The following TENM4 variants were observed in gnomAD, a reference collection of about 807,000 sequenced individuals.
TENM4 encodes teneurin-4.
A neutral mutation model predicts 243.3 loss-of-function variants in TENM4; 82 were observed. The observed-to-expected ratio is 0.34, with a 90% CI of 0.28 to 0.40. The LOEUF is 0.40. Ranked by LOEUF, TENM4 falls within the 10% of genes least tolerant of loss-of-function variation. The probability of loss-of-function intolerance (pLI) is 1.00; values close to 1 mark genes in which losing one functional copy is unlikely to be tolerated. For missense variants in TENM4, 3,138 were observed against 3,673.3 expected, an observed-to-expected ratio of 0.85 and a Z score of 3.77; for synonymous variants, 1,412 against 1,456.3, an observed-to-expected ratio of 0.97 and a Z score of 0.69.
chr11:78,665,767 C>G (rs1388446078), intron 32 of TENM4, among the ~76,000 whole-genome samples: 1 of 152,234 alleles, frequency 6.6e-6, no homozygotes, highest in Non-Finnish European at 1.5e-5. Context: ...TCACAAGCAT[C>G]AAGTGAAGAT....
chr11:78,685,524 G>A (rs987612914), intron 29 of TENM4, among the ~76,000 whole-genome samples: 2 of 152,208 alleles, frequency 1.3e-5, no homozygotes, highest in African/African-American at 4.8e-5. Flanking sequence ...ATTGGAATGT[G>A]TCCACGTATG....
chr11:78,862,964 T>C lies in TENM4; in HGVS notation c.1253A>G (p.Glu418Gly). 6.9e-7 allele frequency: 1 copy of C among 1,458,794 alleles called. No homozygotes were observed. The allele number at this position is 1,458,794 out of a possible 1,614,324, so 90.4% of individuals were successfully genotyped here. The change falls in exon 10 of 34, where the codon GAA becomes GGA. Residue 418 changes from glutamate (E) to glycine (G), a missense_variant and splice_region_variant. By Grantham distance (98) the Glu-to-Gly change is moderately conservative. Around this residue, in one of 2 missense-constraint regions of TENM4, gnomAD observed 671 missense variants for 614.1 expected, o/e 1.09. Coordinates refer to ENST00000278550, the MANE Select transcript of TENM4 (RefSeq NM_001098816.3). The part of the protein sequence containing the change: ...TPDRKGKGTT[E>G]GKPSSFFPED... Reference sequence around the variant, plus strand: ...CACGGACAACGCAGCAACCCTACCTTCTGTGGTTCCTTTGCCTTTCCTGTC... The same window carrying C: ...CACGGACAACGCAGCAACCCTACCTCCTGTGGTTCCTTTGCCTTTCCTGTC...
In TENM4 at chr11:78,683,251, C is replaced by A. The variant is rs1238160853; in HGVS notation, c.5260+4803G>T. Reference sequence around the variant, plus strand: ...TTTTTGTTTGTCTGTGCCCTGCCCCCAGAGGTGGAGCCTACAGAGGCAGGC... The same window carrying A: ...TTTTTGTTTGTCTGTGCCCTGCCCCAAGAGGTGGAGCCTACAGAGGCAGGC... On this transcript the variant is annotated intron_variant, in intron 29 of 33. Transcript: ENST00000278550. Among the ~76,000 whole-genome samples the A allele has an allele frequency of 1.0e-4, 6 of 57,804 alleles. 2 individuals are homozygous for A. The highest frequency in any genetic ancestry group is 4.0e-4 in the South Asian group (1 of 2,510). 37.9% of individuals were successfully genotyped at this position (57,804 alleles called of 152,430 possible). A position where few individuals can be genotyped will look rare whatever the true frequency, so the allele number is the denominator to read the frequency against.
chr11:79,205,811 C>G (rs1279627104), intron 3 of TENM4, among the ~76,000 whole-genome samples: 1 of 152,124 alleles, frequency 6.6e-6, no homozygotes, highest in Non-Finnish European at 1.5e-5. Context: ...TCACTGTATT[C>G]TTTATTCTAC....
At chr11:79,299,062 C>CCACACACACA (rs61589223) in intron 1 of TENM4, among the ~76,000 whole-genome samples, 2 of 150,152 alleles carry the variant, frequency 1.3e-5, no homozygotes, top group African/African-American at 4.9e-5. Flanking sequence ...GGTGCTGTAT[C>CCACACACACA]CACACACACA....
chr11:79,031,972 T>C (rs1859251834), intron 6 of TENM4, among the ~76,000 whole-genome samples: 1 of 152,214 alleles, frequency 6.6e-6, no homozygotes, highest in Non-Finnish European at 1.5e-5. Context: ...AAGCGTTGTC[T>C]GGCTCCAAAT....
intron 6 of TENM4, among the ~76,000 whole-genome samples, chr11:79,029,899 C>T (rs1189518057): frequency 1.3e-5 from 2 of 152,090 alleles, no homozygotes; most frequent in African/African-American, 4.8e-5. Context: ...AATCATATCA[C>T]CTGACAATGA....
intron 12 of TENM4, among the ~76,000 whole-genome samples, chr11:78,828,363 C>A (rs111801189): frequency 6.6e-6 from 1 of 152,232 alleles, no homozygotes; most frequent in African/African-American, 2.4e-5. Context: ...CTTTGCAGGA[C>A]CCCAATTCTT....
intron 4 of TENM4, among the ~76,000 whole-genome samples, chr11:79,088,229 G>A (rs908001537): frequency 1.3e-5 from 2 of 152,178 alleles, no homozygotes; most frequent in Admixed American, 6.5e-5. Context: ...AACCCAGAGG[G>A]TGATGGTATC....
Position 79,113,836 on chromosome 11 carries a change from C to T in TENM4, c.-66+34874G>A, listed in dbSNP as rs1861562579. ...AGGAGTGGAGAAGGACAGGCCTAAC[C>T]TTAGAAGGAAGGAGACCAAGACTTG... On this transcript the variant is annotated intron_variant, in intron 4 of 33. Transcript: ENST00000278550. 2.0e-5 allele frequency among the ~76,000 whole-genome samples: 3 copies of T among 152,154 alleles called. No individual in the cohort carries two copies. In the South Asian group the frequency reaches 6.2e-4, roughly 32 times the overall value.
intron 18 of TENM4, among the ~76,000 whole-genome samples, chr11:78,762,482 G>T (rs1461208343): frequency 6.6e-6 from 1 of 152,190 alleles, no homozygotes; most frequent in Non-Finnish European, 1.5e-5. Flanking sequence ...CCTCTGCAAT[G>T]GAAATATCAC....
rs761384133 is a variant in TENM4, at chr11:78,756,856, A to C, written c.2705T>G (p.Val902Gly). Residue 902 changes from valine (V) to glycine (G), a missense_variant, in exon 19 of 34, where the codon GTG becomes GGG. This residue lies in a region of TENM4 where 2,467 missense variants were observed against 3,059.1 expected (regional missense o/e 0.81). Transcript: ENST00000278550. Reference sequence around the variant, plus strand: ...GATTATGTGCGTGCTGTCCCTGCCCACGAGGAACTTGATGCGGTCATAGAA... The same window carrying C: ...GATTATGTGCGTGCTGTCCCTGCCCCCGAGGAACTTGATGCGGTCATAGAA... ...HSFYDRIKFL[V>G]GRDSTHIIPG... 2.5e-6 allele frequency: 4 copies of C among 1,613,952 alleles called. No individual in the cohort carries two copies. The Admixed American group carries it at 5.0e-5, about 20-fold the overall frequency.
intron 32 of TENM4, among the ~76,000 whole-genome samples, chr11:78,661,892 G>A (rs1240616009): frequency 6.6e-6 from 1 of 152,112 alleles, no homozygotes; most frequent in Non-Finnish European, 1.5e-5. Context: ...CATACCCGGG[G>A]CAGCTGTTGA....
intron 6 of TENM4, among the ~76,000 whole-genome samples, chr11:79,010,093 C>T (rs1858603525): frequency 6.6e-6 from 1 of 152,294 alleles, no homozygotes; most frequent in South Asian, 2.1e-4. Flanking sequence ...CCATATGGAA[C>T]TGTGAGTCAA....
At position 78,669,711 on chromosome 11, in the gene TENM4, G is replaced by C; in HGVS notation, c.6634C>G (p.Leu2212Val). 6.2e-7 allele frequency: 1 copy of C among 1,614,002 alleles called. No homozygotes were observed. The highest frequency in any genetic ancestry group is 8.5e-7 in the Non-Finnish European group (1 of 1,179,892). Residue 2212 changes from leucine (L) to valine (V), a missense_variant, in exon 32 of 34, where the codon CTC becomes GTC. Around this residue, in one of 2 missense-constraint regions of TENM4, gnomAD observed 2,467 missense variants for 3,059.1 expected, o/e 0.81. Transcript: ENST00000278550. This position sits in a 1 kb window ranked among gnomAD's most constrained non-coding sequence, Gnocchi z 6.4. ...TTGAGGTCGTAGCTGTAGCGCCAGA[G>C]TGGCTTGTCATTGATGGAGACTGTC... The part of the protein sequence containing the change: ...LQTVSINDKP[L>V]WRYSYDLNGN...
chr11:78,903,893 G>C (rs189286910), intron 6 of TENM4: 1 of 521,874 alleles, frequency 1.9e-6, no homozygotes, highest in Non-Finnish European at 3.7e-6. Context: ...CATCGTCTGG[G>C]AACTTGTTAG....
intron 15 of TENM4, among the ~76,000 whole-genome samples, chr11:78,788,510 C>T (rs1856985292): frequency 2.0e-5 from 3 of 152,336 alleles, no homozygotes; most frequent in East Asian, 1.9e-4. Flanking sequence ...CACTGAGCTA[C>T]GGTTCCTGTC....
intron 5 of TENM4, among the ~76,000 whole-genome samples, chr11:79,067,023 A>G (rs773106941): frequency 6.6e-6 from 1 of 152,212 alleles, no homozygotes; most frequent in Non-Finnish European, 1.5e-5. Context: ...GCCTCCTTCC[A>G]CACCCAGTGC....
At chr11:78,823,423 A>G (rs1857781376) in intron 12 of TENM4, among the ~76,000 whole-genome samples, 1 of 152,206 alleles carries the variant, frequency 6.6e-6, no homozygotes, top group Non-Finnish European at 1.5e-5. Flanking sequence ...CCGGGCCAAT[A>G]AGAGCCCGTT....
Sources: allele counts gnomAD v4.1 joint callset (sites outside exome capture counted in the v4.1 genomes callset), GRCh38; gene constraint gnomAD v4.1.1; regional missense constraint gnomAD v4.1.1; non-coding constraint Gnocchi (gnomAD v3.1); transcripts MANE v1.5; gene names NCBI Gene and HGNC (gene_info 2026-07-23, HGNC 2026-07-21).